The following DLGAP2 variants were observed in gnomAD, a reference collection of about 807,000 sequenced individuals.
DLGAP2 encodes the protein DLG associated protein 2.
DLGAP2 carries 26 observed loss-of-function variants against 100.3 expected under a neutral mutation model. The ratio of observed to expected loss-of-function variants is 0.26; its 90% confidence interval spans 0.19 to 0.36. The LOEUF (loss-of-function observed/expected upper bound fraction) is 0.36, where lower values mean the gene tolerates loss of function less well. Among genes scored for constraint, DLGAP2 ranks in the 10% least tolerant of loss-of-function variants. The pLI, the probability that DLGAP2 is intolerant of heterozygous loss-of-function variation, is 1.00. For missense variants in DLGAP2, 1,858 were observed against 1,453.2 expected (o/e 1.28, Z -4.53); for synonymous variants, 886 against 630.1 (o/e 1.41, Z -6.08).
chr8:1,026,274 G>C (rs1801797547), intron 2 of DLGAP2, among the ~76,000 whole-genome samples: 1 of 152,202 alleles, frequency 6.6e-6, no homozygotes, highest in Non-Finnish European at 1.5e-5. Context: ...CTCTGAGATG[G>C]CGCGCTTGCC....
chr8:762,311 G>C (rs569372899), intron 1 of DLGAP2, among the ~76,000 whole-genome samples: 1 of 152,206 alleles, frequency 6.6e-6, no homozygotes, highest in Admixed American at 6.5e-5. Context: ...CAAACTCTTG[G>C]GACCTCATGG....
At chr8:1,164,298 C>G (rs985568181) in intron 2 of DLGAP2, among the ~76,000 whole-genome samples, 1 of 101,726 alleles carries the variant, frequency 9.8e-6, no homozygotes, top group Non-Finnish European at 2.4e-5. Context: ...TTGTGAGCCC[C>G]CCAGGGTTTG....
chr8:1,332,843 C>T (rs902546450), intron 3 of DLGAP2, among the ~76,000 whole-genome samples: 5 of 152,166 alleles, frequency 3.3e-5, no homozygotes, highest in African/African-American at 9.7e-5. Flanking sequence ...AATGAAAATA[C>T]GTGGGCTTCT....
At chr8:1,670,989 G>A (rs1292317744) in intron 10 of DLGAP2, among the ~76,000 whole-genome samples, 3 of 152,220 alleles carry the variant, frequency 2.0e-5, no homozygotes, top group Non-Finnish European at 2.9e-5. Context: ...TGAGCAGGCT[G>A]TGGACAGGTG....
chr8:1,683,954 G>GTATATATATATATATATATA (rs59220880), intron 12 of DLGAP2, among the ~76,000 whole-genome samples: 9 of 74,732 alleles, frequency 1.2e-4, no homozygotes, highest in Admixed American at 7.0e-4. Context: ...ATATATGTGT[G>GTATATATATATATATATATA]TATATATATA....
chr8:1,270,647 G>A (rs567379128), intron 3 of DLGAP2, among the ~76,000 whole-genome samples: 1 of 151,882 alleles, frequency 6.6e-6, no homozygotes, highest in East Asian at 1.9e-4. Context: ...AATTTCCTTT[G>A]CCTTAAAATT....
chr8:1,333,837 G>A (rs1249233661), intron 3 of DLGAP2, among the ~76,000 whole-genome samples: 1 of 152,230 alleles, frequency 6.6e-6, no homozygotes. Flanking sequence ...CAGAGCAGGT[G>A]GAACAGAAGC....
At chr8:1,351,889 G>C (rs113630617) in intron 3 of DLGAP2, among the ~76,000 whole-genome samples, 6,228 of 88,912 alleles carry the variant, frequency 0.07, 1,082 homozygotes, top group Middle Eastern at 0.13. Flanking sequence ...TGTTTGGAAA[G>C]GCCGTGCGGG....
chr8:976,819 T>C (rs192896665), intron 2 of DLGAP2, among the ~76,000 whole-genome samples: 16 of 152,268 alleles, frequency 1.1e-4, no homozygotes, highest in Admixed American at 2.0e-4. Flanking sequence ...ATATATAAAA[T>C]GCAAAACTGT....
At chr8:838,720 G>C (rs1488047002) in intron 1 of DLGAP2, among the ~76,000 whole-genome samples, 1 of 152,192 alleles carries the variant, frequency 6.6e-6, no homozygotes, top group Middle Eastern at 3.4e-3. Flanking sequence ...GATCCCTTAA[G>C]ACTCAAAAGA....
chr8:1,214,113 G>C (rs1031290828), intron 2 of DLGAP2, among the ~76,000 whole-genome samples: 1 of 152,070 alleles, frequency 6.6e-6, no homozygotes, highest in Non-Finnish European at 1.5e-5. Context: ...GGGGCCTTGC[G>C]TCTTACCACA....
At chr8:1,499,333 C>A (rs779752043) in intron 3 of DLGAP2, among the ~76,000 whole-genome samples, 5 of 152,224 alleles carry the variant, frequency 3.3e-5, no homozygotes, top group African/African-American at 7.2e-5. Context: ...TGCCTTGTCT[C>A]TGTGTGCATG....
chr8:1,119,142 G>A (rs1795975107), intron 2 of DLGAP2, among the ~76,000 whole-genome samples: 1 of 152,114 alleles, frequency 6.6e-6, no homozygotes, highest in Non-Finnish European at 1.5e-5. Flanking sequence ...TTGCAGTTTG[G>A]CCCATATTAT....
At chr8:903,350 G>A (rs1042850281) in intron 1 of DLGAP2, among the ~76,000 whole-genome samples, 6 of 151,986 alleles carry the variant, frequency 3.9e-5, no homozygotes, top group East Asian at 3.9e-4. Flanking sequence ...AGGGAGGGGC[G>A]GTAGAAATAA....
intron 2 of DLGAP2, among the ~76,000 whole-genome samples, chr8:1,112,601 A>G (rs763176441): frequency 2.6e-4 from 39 of 152,214 alleles, no homozygotes; most frequent in Non-Finnish European, 4.7e-4. Context: ...AGTTCCTTAT[A>G]GATACTGGAT....
chr8:827,142 A>G (rs1796697810), intron 1 of DLGAP2, among the ~76,000 whole-genome samples: 1 of 152,198 alleles, frequency 6.6e-6, no homozygotes, highest in African/African-American at 2.4e-5. Context: ...GATGCCACAG[A>G]GCAGCCTACA....
chr8:1,685,242 C>G (rs1799084326), intron 12 of DLGAP2, among the ~76,000 whole-genome samples: 1 of 152,198 alleles, frequency 6.6e-6, no homozygotes, highest in African/African-American at 2.4e-5. Flanking sequence ...AACACATGCT[C>G]CATGCAGGGC....
intron 1 of DLGAP2, among the ~76,000 whole-genome samples, chr8:865,426 G>A (rs1234193015): frequency 6.6e-6 from 1 of 152,164 alleles, no homozygotes; most frequent in African/African-American, 2.4e-5. Context: ...TTGATTTGCG[G>A]CGTCAGGTCT....
In DLGAP2 at chr8:1,011,654, T is replaced by G. The variant is rs191689107; in HGVS notation, c.73+103688T>G. Among the ~76,000 whole-genome samples the G allele has an allele frequency of 5.0e-3, 683 of 135,456 alleles. 2 individuals are homozygous for G. Among genetic ancestry groups the G allele is most frequent in the Admixed American group, 0.01 (139 of 13,246 alleles). 88.9% of individuals were successfully genotyped at this position (135,456 alleles called of 152,430 possible). Reference sequence around the variant, plus strand: ...GAATGAGGGGTCTCAGTCTGCACAGTGAGCCCTGGAATGAGGAGTCTCAGT... The same window carrying G: ...GAATGAGGGGTCTCAGTCTGCACAGGGAGCCCTGGAATGAGGAGTCTCAGT... On this transcript the variant is annotated intron_variant, in intron 2 of 14. Transcript: ENST00000637795.
Sources: gnomAD v4.1 joint callset for allele counts (sites outside exome capture counted in the v4.1 genomes callset) on GRCh38, gnomAD v4.1.1 for gene constraint, MANE v1.5 for transcripts, NCBI Gene and HGNC (gene_info 2026-07-23, HGNC 2026-07-21) for gene names.